Variants in ENG observed in about 807,000 individuals in gnomAD.
ENG encodes the protein CD105 antigen.
In ENG, 17 loss-of-function variants were observed where a neutral mutation model predicts 71.0. The observed-to-expected ratio is 0.24, with a 90% confidence interval of 0.16 to 0.36. ENG has a LOEUF of 0.36. ENG is among the 10% of genes least tolerant of loss of function. The probability of loss-of-function intolerance (pLI) is 1.00; values close to 1 mark genes in which losing one functional copy is unlikely to be tolerated. For synonymous variants in ENG, 360 were observed against 366.9 expected (o/e 0.98, Z 0.21); for missense variants, 749 against 868.3 (o/e 0.86, Z 1.73).
intron 8 of ENG, among the ~76,000 whole-genome samples, chr9:127,820,663 C>G (rs1039955620): frequency 4.6e-5 from 7 of 150,982 alleles, no homozygotes; most frequent in African/African-American, 1.7e-4. Context: ...CCCGTCTCTA[C>G]TAAAAATACA....
intron 5 of ENG, 86 bp downstream of exon 5, chr9:127,825,609 T>A: frequency 8.8e-7 from 1 of 1,138,894 alleles, no homozygotes; most frequent in Non-Finnish European, 1.1e-6. Flanking sequence ...TGGGGCTTTA[T>A]AAGGGACCGG....
chr9:127,825,586 G>GCTGGGA (rs1212826448), intron 5 of ENG, 109 bp downstream of exon 5: 22 of 1,275,464 alleles, frequency 1.7e-5, no homozygotes, highest in Admixed American at 9.5e-5. Context: ...CGGGGCTGGG[G>GCTGGGA]CTGGGACTGG....
chr9:127,817,410 G>A (rs1029024844), intron 12 of ENG: 34 of 634,416 alleles, frequency 5.4e-5, no homozygotes, highest in Non-Finnish European at 7.4e-5. Flanking sequence ...CTGCTGAAAT[G>A]TTTCCTGTGA....
intron 1 of ENG, among the ~76,000 whole-genome samples, chr9:127,852,874 C>T (rs539807969): frequency 6.6e-6 from 1 of 152,254 alleles, no homozygotes; most frequent in African/African-American, 2.4e-5. Context: ...TCCTTTAAAA[C>T]CAGGCCCTAA....
At chr9:127,854,235 C>A in intron 1 of ENG, 54 bp downstream of exon 1, 1 of 1,534,632 alleles carries the variant, frequency 6.5e-7, no homozygotes, top group Non-Finnish European at 8.8e-7. Context: ...TACTTGGGGC[C>A]TGGTCCGTGC....
chr9:127,824,474 G>A (rs1830552872), intron 7 of ENG, 28 bp from the exon 8 acceptor site: 13 of 1,612,874 alleles, frequency 8.1e-6, no homozygotes, highest in Non-Finnish European at 1.0e-5. Flanking sequence ...CAGGCCAGGC[G>A]GCTGGTCACT....
At chr9:127,833,736 A>C (rs1053173877) in intron 2 of ENG, among the ~76,000 whole-genome samples, 1 of 152,162 alleles carries the variant, frequency 6.6e-6, no homozygotes, top group Admixed American at 6.6e-5. Context: ...GAAAGTTTTG[A>C]GATTTAACTT....
Position 127,816,072 on chromosome 9 carries a change from A to G in ENG, c.1742-19T>C, listed in dbSNP as rs754989823. On this transcript the variant is annotated intron_variant, in intron 13 of 14. Coordinates refer to ENST00000373203, the MANE Select transcript of ENG (RefSeq NM_001114753.3). The stretch of plus-strand genomic sequence containing the variant: ...GTGCAACCTAGAGAGGGCCGACGCC[A>G]TCAGCACTGCCACTCTGCCCCTGCC... 8.1e-6 allele frequency: 13 copies of G among 1,604,570 alleles called. No individual in the cohort carries two copies. Among genetic ancestry groups the G allele is most frequent in the Non-Finnish European group, 1.1e-5 (13 of 1,177,132 alleles).
chr9:127,840,383 G>A (rs1055412367), intron 2 of ENG, among the ~76,000 whole-genome samples: 1 of 152,202 alleles, frequency 6.6e-6, no homozygotes. Flanking sequence ...ATTATTTGAG[G>A]TCAGGAGTTC....
At position 127,846,562 on chromosome 9, in the gene ENG, C is replaced by T. The variant is rs184154413; in HGVS notation, c.68-3317G>A. Among the ~76,000 whole-genome samples the T allele has an allele frequency of 7.2e-4, 109 of 152,290 alleles. 1 individual carries two copies. Among genetic ancestry groups the T allele is most frequent in the Non-Finnish European group, 1.2e-3 (79 of 68,032 alleles). ...TGCCGTCAGCCAGCGGGAGAGGCCACAAGCCTGGCCATTATGTAATGATCA... is the reference window on the plus strand; with the variant it reads ...TGCCGTCAGCCAGCGGGAGAGGCCATAAGCCTGGCCATTATGTAATGATCA... On this transcript the variant is annotated intron_variant, in intron 1 of 14. Coordinates refer to ENST00000373203, the MANE Select transcript of ENG (RefSeq NM_001114753.3). The surrounding 1 kb of genome is among the most constrained non-coding windows in gnomAD (Gnocchi z 5.5).
chr9:127,848,881 C>G (rs190814767), intron 1 of ENG, among the ~76,000 whole-genome samples: 391 of 152,330 alleles, frequency 2.6e-3, no homozygotes, highest in Admixed American at 5.2e-3. Flanking sequence ...ATCAGTATGT[C>G]AGTATGTTCA....
intron 1 of ENG, among the ~76,000 whole-genome samples, chr9:127,850,976 A>T (rs1452545019): frequency 6.6e-6 from 1 of 152,216 alleles, no homozygotes; most frequent in Admixed American, 6.5e-5. Context: ...ACAGGACAAC[A>T]TGGAGACCTG....
rs73669428 is a variant in ENG, at chr9:127,848,116, C to T, written c.68-4871G>A. On this transcript the variant is annotated intron_variant, in intron 1 of 14. Transcript: ENST00000373203. ...AGGCCAGTAAATTACACCTGCACAG[C>T]GCTAGGCCGGCTCCTGCTAAGTGGG... 7.2e-3 allele frequency among the ~76,000 whole-genome samples: 1,097 copies of T among 152,246 alleles called. 14 individuals carry two copies. The highest frequency in any genetic ancestry group is 0.025 in the African/African-American group (1,026 of 41,534).
rs1292623713 is a variant in ENG at position 127,846,756 on chromosome 9, C to T, written c.68-3511G>A. On this transcript the variant is annotated intron_variant, in intron 1 of 14. Coordinates refer to ENST00000373203, the MANE Select transcript of ENG (RefSeq NM_001114753.3). This position sits in a 1 kb window ranked among gnomAD's most constrained non-coding sequence, Gnocchi z 5.5. ...GGGCCCAGACCAAGTTGAAAACAAT[C>T]CCCTGGCACCAAGGGAAACGCCAGG... Among the ~76,000 whole-genome samples, 1 of 152,142 alleles carries T rather than the reference C, an allele frequency of 6.6e-6. No homozygotes were observed. Among genetic ancestry groups the T allele is most frequent in the East Asian group, 1.9e-4 (1 of 5,180 alleles).
At chr9:127,841,446 C>T (rs985805967) in intron 2 of ENG, among the ~76,000 whole-genome samples, 6 of 151,680 alleles carry the variant, frequency 4.0e-5, no homozygotes, top group African/African-American at 9.7e-5. Context: ...ACAAACAATG[C>T]GAACTAACAG....
At chr9:127,820,907 C>A (rs780305536) in intron 8 of ENG, among the ~76,000 whole-genome samples, 2 of 152,066 alleles carry the variant, frequency 1.3e-5, no homozygotes, top group Non-Finnish European at 2.9e-5. Flanking sequence ...GGCATGCAAA[C>A]CCTGCAAGCA....
Position 127,825,275 on chromosome 9 carries a change from A to C in ENG, c.772T>G (p.Tyr258Asp), listed in dbSNP as rs750477084. 3.1e-6 allele frequency: 5 copies of C among 1,612,070 alleles called. No homozygotes were observed. The South Asian group carries it at 5.5e-5, about 18-fold the overall frequency. ...TTGGCGTCGATGAGCCAGGACACGT[A>C]GGGGGGACCCTGCAGGATGAGGACG... ...DAVLILQGPP[Y>D]VSWLIDANHN... The change falls in exon 6 of 15, where the codon TAC becomes GAC. Residue 258 changes from tyrosine to aspartate, a missense_variant. Physicochemically the swap from Tyr to Asp is radical, Grantham distance 160. Transcript: ENST00000373203.
At chr9:127,819,585 T>C in intron 10 of ENG, 37 bp downstream of exon 10, 1 of 1,612,064 alleles carries the variant, frequency 6.2e-7, no homozygotes, top group South Asian at 1.1e-5. Flanking sequence ...CAGCAGCCCC[T>C]GGGCCAGGTG....
rs1322194821 is a variant in ENG, at chr9:127,829,847, G to C, written c.220-20C>G. 1.1e-5 allele frequency: 17 copies of C among 1,613,506 alleles called. No homozygotes were observed. The highest frequency in any genetic ancestry group is 1.4e-5 in the Non-Finnish European group (17 of 1,180,018). On this transcript the variant is annotated intron_variant, in intron 2 of 14. Transcript: ENST00000373203. The stretch of plus-strand genomic sequence containing the variant: ...CGGGCCCTGGGGGACACAGAGGAGA[G>C]ACACACACAGTCCAGTCAGATTTGT...
Sources: allele counts gnomAD v4.1 joint callset (sites outside exome capture counted in the v4.1 genomes callset), GRCh38; gene constraint gnomAD v4.1.1; non-coding constraint Gnocchi (gnomAD v3.1); transcripts MANE v1.5; gene names NCBI Gene and HGNC (gene_info 2026-07-23, HGNC 2026-07-21).